RPS6KA5: variants seen among roughly 807,000 people sequenced by gnomAD.
RPS6KA5 encodes ribosomal protein S6 kinase alpha-5.
In RPS6KA5, 27 loss-of-function variants were observed where a neutral mutation model predicts 85.5. The ratio of observed to expected loss-of-function variants is 0.32; its 90% CI spans 0.23 to 0.44. RPS6KA5 has a LOEUF of 0.44. RPS6KA5 is among the 20% of genes least tolerant of loss of function. The probability of loss-of-function intolerance (pLI) is 1.00; values close to 1 mark genes in which losing one functional copy is unlikely to be tolerated. For missense variants in RPS6KA5, 811 were observed against 980.9 expected (o/e 0.83, Z 2.31); for synonymous variants, 334 against 348.2 (o/e 0.96, Z 0.46).
intron 2 of RPS6KA5, among the ~76,000 whole-genome samples, chr14:90,996,950 A>G (rs1347166235): frequency 1.3e-5 from 2 of 152,360 alleles, no homozygotes; most frequent in East Asian, 3.9e-4. Flanking sequence ...GCAATTTTAC[A>G]TTACTGAATT....
chr14:90,943,152 T>C lies in RPS6KA5; in HGVS notation c.544A>G (p.Asn182Asp). Residue 182 changes from asparagine (N) to aspartate (D), a missense_variant, in exon 5 of 17, where the codon AAT becomes GAT. Coordinates refer to ENST00000614987, the MANE Select transcript of RPS6KA5 (RefSeq NM_004755.4). ...TGGCCATTAGAATCAAGTAGAATAT[T>C]CTCAAGCTTAATATCACGATATATA... The part of the protein sequence containing the change: ...GIIYRDIKLE[N>D]ILLDSNGHVV... The C allele has an allele frequency of 6.2e-7, 1 of 1,611,374 alleles. No individual in the cohort carries two copies. Among genetic ancestry groups the C allele is most frequent in the Non-Finnish European group, 8.5e-7 (1 of 1,177,882 alleles).
Position 90,890,638 on chromosome 14 carries a change from T to C in RPS6KA5, c.1685A>G (p.Lys562Arg). 6.2e-7 allele frequency: 1 copy of C among 1,614,116 alleles called. No individual in the cohort carries two copies. The highest frequency in any genetic ancestry group is 8.5e-7 in the Non-Finnish European group (1 of 1,179,976). Residue 562 changes from lysine (K) to arginine (R), a missense_variant, in exon 14 of 17, where the codon AAA (lysine) becomes AGA (arginine). Physicochemically the swap from Lys to Arg is conservative, Grantham distance 26. Coordinates refer to ENST00000614987, the MANE Select transcript of RPS6KA5 (RefSeq NM_004755.4). The stretch of plus-strand genomic sequence containing the variant: ...CCGTGCAAATCCAAAATCAATTATT[T>C]TAATTTCCAAATTGTCATTTTCATC... ...FTDENDNLEIKIIDFGFARLK... is the reference protein window; with the variant it reads ...FTDENDNLEIRIIDFGFARLK...
At chr14:91,043,740 C>T (rs1217008093) in intron 1 of RPS6KA5, among the ~76,000 whole-genome samples, 1 of 152,166 alleles carries the variant, frequency 6.6e-6, no homozygotes, top group African/African-American at 2.4e-5. Context: ...TCTGCCCACC[C>T]CGATACGCAT....
chr14:90,936,942 T>C lies in RPS6KA5; in HGVS notation c.618+6136A>G, dbSNP rs183399683. ...TTGAGGAGCCTGTGAAAGTGTCAAG[T>C]GGAGATAAAACATTCACATATTTGG... On this transcript the variant is annotated intron_variant, in intron 5 of 16. Transcript: ENST00000614987. Among the ~76,000 whole-genome samples, 230 of 152,044 alleles carry C rather than the reference T, an allele frequency of 1.5e-3. 2 individuals are homozygous for C. Among genetic ancestry groups the C allele is most frequent in the Middle Eastern group, 3.4e-3 (1 of 294 alleles).
chr14:90,897,284 C>T (rs1434941118), intron 12 of RPS6KA5, among the ~76,000 whole-genome samples: 2 of 152,158 alleles, frequency 1.3e-5, no homozygotes, highest in Admixed American at 1.3e-4. Flanking sequence ...AAGAGGGAAC[C>T]AGCTCTGGTG....
intron 3 of RPS6KA5, among the ~76,000 whole-genome samples, chr14:90,951,161 T>A (rs555144090): frequency 6.8e-6 from 1 of 146,768 alleles, no homozygotes; most frequent in South Asian, 2.2e-4. Context: ...GATAATGGTC[T>A]GTAGTTGATA....
At position 90,928,015 on chromosome 14, in the gene RPS6KA5, A is replaced by G. The variant is rs187027306; in HGVS notation, c.619-4819T>C. 6.8e-5 allele frequency among the ~76,000 whole-genome samples: 10 copies of G among 147,088 alleles called. No homozygotes were observed. In the East Asian group the frequency reaches 2.0e-3, roughly 29 times the overall value. On this transcript the variant is annotated intron_variant, in intron 5 of 16. Coordinates refer to ENST00000614987, the MANE Select transcript of RPS6KA5 (RefSeq NM_004755.4). ...TAGTGGTGTGATCACAGCTCACTGC[A>G]GTTTTGACTTCCCAGGCTCAAGTGA... is the stretch of plus-strand genomic sequence containing the variant.
chr14:90,991,333 G>A (rs114380636), intron 2 of RPS6KA5, among the ~76,000 whole-genome samples: 2,234 of 152,208 alleles, frequency 0.015, 55 homozygotes, highest in African/African-American at 0.051. Flanking sequence ...GGCACTTTCC[G>A]TTCTTAGGCC....
rs1386909073 is a variant in RPS6KA5 at position 90,978,479 on chromosome 14, G to A, written c.221C>T (p.Thr74Ile). Reference protein sequence around the residue: ...FLVRKISGHDTGKLYAMKVLK... With the variant: ...FLVRKISGHDIGKLYAMKVLK... ...AACTTTCATGGCATACAGCTTTCCA[G>A]TATCATGGCCACTTATTTTACGAAC... Residue 74 changes from threonine to isoleucine, a missense_variant, in exon 3 of 17, where the codon ACT (threonine) becomes ATT (isoleucine). By Grantham distance (89) the Thr-to-Ile change is moderately conservative. Transcript: ENST00000614987. 3.7e-6 allele frequency: 6 copies of A among 1,611,194 alleles called. No individual in the cohort carries two copies. The highest frequency in any genetic ancestry group is 5.1e-6 in the Non-Finnish European group (6 of 1,178,964).
Position 90,983,803 on chromosome 14 carries a change from C to CTCTCTCTG in RPS6KA5, c.176-5280_176-5279insCAGAGAGA, listed in dbSNP as rs1310510653. ...TTTCTTTCTTTCTCTCTCTCTCTCT[C>CTCTCTCTG]TCTCTCTCTCTCTGTCTCTCTCTCT... On this transcript the variant is annotated intron_variant, in intron 2 of 16. Transcript: ENST00000614987. Among the ~76,000 whole-genome samples the CTCTCTCTG allele has an allele frequency of 2.8e-3, 347 of 123,524 alleles. 4 individuals carry two copies. The highest frequency in any genetic ancestry group is 8.1e-3 in the South Asian group (29 of 3,562). The allele number at this position is 123,524 out of a possible 152,430, so 81.0% of individuals were successfully genotyped here. A position where few individuals can be genotyped will look rare whatever the true frequency, so the allele number is the denominator to read the frequency against.
intron 8 of RPS6KA5, among the ~76,000 whole-genome samples, chr14:90,905,643 G>A (rs1175998166): frequency 2.0e-5 from 3 of 152,128 alleles, no homozygotes; most frequent in Admixed American, 2.0e-4. Flanking sequence ...AAATAAATGA[G>A]TAACACTCTA....
chr14:91,011,389 G>A (rs968719337), intron 1 of RPS6KA5, among the ~76,000 whole-genome samples: 2 of 152,108 alleles, frequency 1.3e-5, no homozygotes, highest in Admixed American at 6.5e-5. Context: ...AGGGGGCTGA[G>A]GCAGAAGAAT....
intron 14 of RPS6KA5, among the ~76,000 whole-genome samples, chr14:90,885,473 A>T (rs1309448190): frequency 7.4e-6 from 1 of 135,570 alleles, no homozygotes; most frequent in Non-Finnish European, 1.6e-5. Flanking sequence ...GAATGGCGTG[A>T]ACCCGGGAGG....
intron 8 of RPS6KA5, among the ~76,000 whole-genome samples, chr14:90,904,398 A>C (rs999101247): frequency 6.6e-6 from 1 of 152,250 alleles, no homozygotes; most frequent in Non-Finnish European, 1.5e-5. Flanking sequence ...AATTCAGATC[A>C]TTTAGTTCAT....
intron 1 of RPS6KA5, among the ~76,000 whole-genome samples, chr14:91,020,652 T>TGTGTGTGTGTG (rs1566873215): frequency 1.6e-5 from 1 of 63,538 alleles, no homozygotes; most frequent in African/African-American, 5.1e-5. Context: ...GTGTGTGTGT[T>TGTGTGTGTGTG]TATATGTGTA....
rs972416123 is a variant in RPS6KA5, at chr14:90,864,694, C to G, written c.*7380G>C. Reference sequence around the variant, plus strand: ...CCTGCAAGTCAGTAAGAAAAAAAGACAACCCAATAAATATGAACAAATGAC... The same window carrying G: ...CCTGCAAGTCAGTAAGAAAAAAAGAGAACCCAATAAATATGAACAAATGAC... On this transcript the variant is annotated 3_prime_UTR_variant, in exon 17 of 17. Coordinates refer to ENST00000614987, the MANE Select transcript of RPS6KA5 (RefSeq NM_004755.4). 3 of 152,110 alleles carry G rather than the reference C, an allele frequency of 2.0e-5. No homozygotes were observed. Among genetic ancestry groups the G allele is most frequent in the Admixed American group, 6.5e-5 (1 of 15,272 alleles). The allele number at this position is 152,110 out of a possible 1,614,324, so 9.4% of individuals were successfully genotyped here. A position where few individuals can be genotyped will look rare whatever the true frequency, so the allele number is the denominator to read the frequency against.
chr14:90,879,781 ATTT>A (rs10609342), intron 14 of RPS6KA5, among the ~76,000 whole-genome samples: 229 of 128,948 alleles, frequency 1.8e-3, no homozygotes, highest in African/African-American at 4.3e-3. Context: ...TCCACTCCTA[ATTT>A]TTTTTTTTTT....
At chr14:90,884,410 T>C (rs897972430) in intron 14 of RPS6KA5, among the ~76,000 whole-genome samples, 1 of 152,194 alleles carries the variant, frequency 6.6e-6, no homozygotes, top group Admixed American at 6.5e-5. Flanking sequence ...AGATTAGGGA[T>C]GCTCAACCAG....
intron 14 of RPS6KA5, among the ~76,000 whole-genome samples, chr14:90,883,287 C>T (rs2033974922): frequency 6.6e-6 from 1 of 152,192 alleles, no homozygotes; most frequent in African/African-American, 2.4e-5. Context: ...CTCTTGATGG[C>T]ATCCTATGGT....
Sources: gnomAD v4.1 joint callset for allele counts (sites outside exome capture counted in the v4.1 genomes callset) on GRCh38, gnomAD v4.1.1 for gene constraint, MANE v1.5 for transcripts, NCBI Gene and HGNC (gene_info 2026-07-23, HGNC 2026-07-21) for gene names.